The following LRRK2 variants were observed in gnomAD, a reference collection of about 807,000 sequenced individuals.
LRRK2 encodes the protein leucine-rich repeat serine/threonine-protein kinase 2.
LRRK2 carries 203 observed loss-of-function variants against 302.6 expected under a neutral mutation model. That is an observed-to-expected ratio of 0.67 (90% CI 0.60 to 0.75). The LOEUF (loss-of-function observed/expected upper bound fraction) is 0.75, where lower values mean the gene tolerates loss of function less well. LRRK2 is among the 30% of genes least tolerant of loss of function. LRRK2 has a pLI of 0.00. For missense variants in LRRK2, 2,830 were observed against 2,951.0 expected, an observed-to-expected ratio of 0.96 and a Z score of 0.95; for synonymous variants, 1,066 against 1,031.9, an observed-to-expected ratio of 1.03 and a Z score of -0.63.
intron 50 of LRRK2, chr12:40,367,293 C>T (rs1946908164): frequency 2.0e-6 from 1 of 501,544 alleles, no homozygotes; most frequent in Non-Finnish European, 3.5e-6. Flanking sequence ...GTAGAGGTGT[C>T]AATCACTAGC....
intron 31 of LRRK2, among the ~76,000 whole-genome samples, chr12:40,312,142 A>G (rs1454836760): frequency 1.3e-5 from 2 of 152,098 alleles, no homozygotes; most frequent in Non-Finnish European, 2.9e-5. Context: ...CACAGATAAG[A>G]TGGTTCATTA....
At chr12:40,240,764 A>G in intron 6 of LRRK2, 147 bp downstream of exon 6, 1 of 871,606 alleles carries the variant, frequency 1.1e-6, no homozygotes, top group Admixed American at 2.4e-5. Flanking sequence ...ATTAATTTAC[A>G]TTCACTGACA....
At chr12:40,232,559 G>A in intron 3 of LRRK2, 176 bp downstream of exon 3, 2 of 565,290 alleles carry the variant, frequency 3.5e-6, no homozygotes, top group Non-Finnish European at 6.3e-6. Flanking sequence ...AAACTCAGAA[G>A]TTTGATTTAG....
chr12:40,257,322 T>A lies in LRRK2; in HGVS notation c.1363T>A (p.Ser455Thr). 3 of 1,611,202 alleles carry A rather than the reference T, an allele frequency of 1.9e-6. No individual in the cohort carries two copies. In the African/African-American group the frequency reaches 4.0e-5, roughly 21 times the overall value. The change falls in exon 12 of 51, where the codon TCT becomes ACT. Residue 455 changes from serine to threonine, a missense_variant. This residue lies in a region of LRRK2 where 2,121 missense variants were observed against 2,148.0 expected (regional missense o/e 0.99). Coordinates refer to ENST00000298910, the MANE Select transcript of LRRK2 (RefSeq NM_198578.4). ...GGAGTTAATGCAGAAGCATATACAT[T>A]CTCCTGAAGTGGCTGAAAGTGGCTG... ...VLELMQKHIH[S>T]PEVAESGCKM...
In LRRK2 at chr12:40,346,858, G is replaced by C. The variant is rs933468976; in HGVS notation, c.6215G>C (p.Arg2072Thr). 1 of 1,613,822 alleles carries C rather than the reference G, an allele frequency of 6.2e-7. No homozygotes were observed. Among genetic ancestry groups the C allele is most frequent in the Non-Finnish European group, 8.5e-7 (1 of 1,179,852 alleles). ...TATGACATTTTGACAACTGGAGGTA[G>C]AATAGTAGAGGGTTTGAAGTTTCCA... Reference protein sequence around the residue: ...LLYDILTTGGRIVEGLKFPNE... With the variant: ...LLYDILTTGGTIVEGLKFPNE... Residue 2072 changes from arginine (R) to threonine (T), a missense_variant, in exon 42 of 51, where the codon AGA becomes ACA. Physicochemically the swap from Arg to Thr is moderately conservative, Grantham distance 71. Transcript: ENST00000298910.
chr12:40,239,783 CTG>C (rs1172486181), intron 5 of LRRK2, among the ~76,000 whole-genome samples: 2 of 151,632 alleles, frequency 1.3e-5, no homozygotes, highest in Non-Finnish European at 2.9e-5. Flanking sequence ...TAGGGACACT[CTG>C]GCATAAAATT....
chr12:40,232,396 G>A lies in LRRK2; in HGVS notation c.347+13G>A, dbSNP rs765706910. Reference sequence around the variant, plus strand: ...TTGGTGTTCACCAGTAAGTATGATAGATATGTAAAACAAATGGCCTTGAGT... The same window carrying A: ...TTGGTGTTCACCAGTAAGTATGATAAATATGTAAAACAAATGGCCTTGAGT... On this transcript the variant is annotated intron_variant, in intron 3 of 50. Coordinates refer to ENST00000298910, the MANE Select transcript of LRRK2 (RefSeq NM_198578.4). 37 of 1,586,762 alleles carry A rather than the reference G, an allele frequency of 2.3e-5. No homozygotes were observed. The South Asian group carries it at 4.1e-4, about 18-fold the overall frequency.
At chr12:40,253,965 C>T (rs982784144) in intron 11 of LRRK2, among the ~76,000 whole-genome samples, 5 of 152,028 alleles carry the variant, frequency 3.3e-5, no homozygotes, top group African/African-American at 1.2e-4. Context: ...TTTAAAAAAT[C>T]GTTCTTTAAT....
Position 40,354,390 on chromosome 12 carries a change from C to G in LRRK2, c.6668C>G (p.Thr2223Ser). The G allele has an allele frequency of 6.2e-7, 1 of 1,614,050 alleles. No individual in the cohort carries two copies. ...ATTGTGTCTGGGACACAGTCTGGTACTCTCCTGGTCATCAATACCGAAGAT... is the reference window on the plus strand; with the variant it reads ...ATTGTGTCTGGGACACAGTCTGGTAGTCTCCTGGTCATCAATACCGAAGAT... ...SWIVSGTQSGTLLVINTEDGK... is the reference protein window; with the variant it reads ...SWIVSGTQSGSLLVINTEDGK... The change falls in exon 45 of 51, where the codon ACT (threonine) becomes AGT (serine). Residue 2223 changes from threonine to serine, a missense_variant. By Grantham distance (58) the Thr-to-Ser change is moderately conservative. Coordinates refer to ENST00000298910, the MANE Select transcript of LRRK2 (RefSeq NM_198578.4).
At chr12:40,264,077 C>T (rs1316694884) in intron 14 of LRRK2, among the ~76,000 whole-genome samples, 176 bp downstream of exon 14, 1 of 152,094 alleles carries the variant, frequency 6.6e-6, no homozygotes, top group Non-Finnish European at 1.5e-5. Context: ...AAGATATGTA[C>T]TAAGCTAAGT....
chr12:40,322,024 C>A lies in LRRK2; in HGVS notation c.5171-11C>A. 2.5e-6 allele frequency: 4 copies of A among 1,612,842 alleles called. No individual in the cohort carries two copies. Among genetic ancestry groups the A allele is most frequent in the East Asian group, 2.2e-5 (1 of 44,830 alleles). The stretch of plus-strand genomic sequence containing the variant: ...AGGAAGCAGTTAATAATTAATGGCT[C>A]CATTTTTTAGAACGAGCACTTCGCC... On this transcript the variant is annotated splice_polypyrimidine_tract_variant and intron_variant, in intron 35 of 50. Coordinates refer to ENST00000298910, the MANE Select transcript of LRRK2 (RefSeq NM_198578.4).
At chr12:40,229,753 A>T (rs1941080049) in intron 2 of LRRK2, among the ~76,000 whole-genome samples, 1 of 152,220 alleles carries the variant, frequency 6.6e-6, no homozygotes, top group African/African-American at 2.4e-5. Context: ...AATTGAATAG[A>T]TTAATGGATC....
intron 13 of LRRK2, among the ~76,000 whole-genome samples, chr12:40,262,257 A>G (rs1218433371): frequency 1.3e-5 from 2 of 152,306 alleles, no homozygotes; most frequent in South Asian, 2.1e-4. Context: ...CTTAAAAAGT[A>G]TTAGGCATTG....
intron 14 of LRRK2, 111 bp from the exon 15 acceptor site, chr12:40,274,472 A>G (rs1943365857): frequency 1.8e-6 from 2 of 1,100,630 alleles, no homozygotes; most frequent in East Asian, 2.4e-5. Context: ...AATCAAGGAT[A>G]CTGATTTATA....
chr12:40,319,854 A>T, intron 33 of LRRK2, 134 bp from the exon 34 acceptor site: 1 of 710,864 alleles, frequency 1.4e-6, no homozygotes, highest in Non-Finnish European at 2.3e-6. Context: ...TAGAGAAATT[A>T]GGTACTGTGT....
chr12:40,302,290 A>G (rs1367670840), intron 25 of LRRK2, among the ~76,000 whole-genome samples: 1 of 152,138 alleles, frequency 6.6e-6, no homozygotes, highest in Non-Finnish European at 1.5e-5. Context: ...CCAATCTCTT[A>G]AGATTATATG....
At chr12:40,276,244 G>C (rs1347838741) in intron 16 of LRRK2, among the ~76,000 whole-genome samples, 5 of 152,104 alleles carry the variant, frequency 3.3e-5, no homozygotes, top group Non-Finnish European at 7.4e-5. Context: ...CTCTATAGTA[G>C]AGTTTATGAA....
intron 3 of LRRK2, chr12:40,232,626 T>C: frequency 3.0e-6 from 1 of 338,770 alleles, no homozygotes; most frequent in Non-Finnish European, 5.3e-6. Context: ...TATAATCATA[T>C]AATTATAAAA....
At chr12:40,340,506 G>GA (rs777800301) in intron 41 of LRRK2, 52 bp downstream of exon 41, 3 of 1,581,938 alleles carry the variant, frequency 1.9e-6, no homozygotes, top group Non-Finnish European at 1.7e-6. Flanking sequence ...GATAACCACT[G>GA]ACCTCAGATG....
Sources: allele counts gnomAD v4.1 joint callset (sites outside exome capture counted in the v4.1 genomes callset), GRCh38; gene constraint gnomAD v4.1.1; regional missense constraint gnomAD v4.1.1; transcripts MANE v1.5; gene names NCBI Gene and HGNC (gene_info 2026-07-23, HGNC 2026-07-21).